Variants in SLAMF1 observed in about 807,000 individuals in gnomAD.
The protein encoded by SLAMF1 is signaling lymphocytic activation molecule family member 1.
SLAMF1 carries 18 observed loss-of-function variants against 35.1 expected under a neutral mutation model. The ratio of observed to expected loss-of-function variants is 0.51; its 90% CI spans 0.35 to 0.76. SLAMF1 has a LOEUF of 0.76. SLAMF1 is among the 30% of genes least tolerant of loss of function. The pLI is 0.01. For missense variants in SLAMF1, 392 were observed against 413.0 expected (o/e 0.95, Z 0.44); for synonymous variants, 168 against 157.2 (o/e 1.07, Z -0.51).
Position 160,619,936 on chromosome 1 carries a change from T to C in SLAMF1, c.791-87A>G, listed in dbSNP as rs1659516051. ...GACCTGGTCTTTACTGTCCTTTGCA[T>C]ACCCACTTTCCCCAAGGGCACAATG... On this transcript the variant is annotated intron_variant, in intron 4 of 6. Transcript: ENST00000302035. 6.9e-6 allele frequency: 6 copies of C among 865,988 alleles called. No homozygotes were observed. The Admixed American group carries it at 1.1e-4, about 16-fold the overall frequency. The allele number at this position is 865,988 out of a possible 1,614,324, so 53.6% of individuals were successfully genotyped here.
chr1:160,632,380 T>C (rs1324900095), intron 3 of SLAMF1, among the ~76,000 whole-genome samples: 1 of 152,168 alleles, frequency 6.6e-6, no homozygotes, highest in African/African-American at 2.4e-5. Context: ...GCCCTTCCTG[T>C]GGTGCCAGGT....
chr1:160,623,515 G>T (rs1204590459), intron 4 of SLAMF1: 15 of 398,634 alleles, frequency 3.8e-5, no homozygotes, highest in Middle Eastern at 6.2e-4. Context: ...TGGGAAGGCA[G>T]CCGGGGCATC....
At position 160,628,544 on chromosome 1, in the gene SLAMF1, T is replaced by G. The variant is rs573348667; in HGVS notation, c.701-4359A>C. Among the ~76,000 whole-genome samples the G allele has an allele frequency of 6.6e-4, 100 of 152,370 alleles. 1 individual carries two copies. In the South Asian group the frequency reaches 0.02, roughly 31 times the overall value. On this transcript the variant is annotated intron_variant, in intron 3 of 6. Coordinates refer to ENST00000302035, the MANE Select transcript of SLAMF1 (RefSeq NM_003037.5). The stretch of plus-strand genomic sequence containing the variant: ...TATTATATTTTTCTAGCTAGTAAGA[T>G]GTAGAAGTCCCACTTTGATTGCAAA...
intron 5 of SLAMF1, among the ~76,000 whole-genome samples, chr1:160,613,234 C>T (rs929586957): frequency 3.9e-5 from 6 of 152,182 alleles, no homozygotes; most frequent in Non-Finnish European, 7.3e-5. Flanking sequence ...TGACCTATCC[C>T]TTACTTAAAT....
intron 3 of SLAMF1, among the ~76,000 whole-genome samples, chr1:160,629,140 T>G (rs1558009213): frequency 2.0e-5 from 3 of 152,268 alleles, no homozygotes; most frequent in South Asian, 2.1e-4. Flanking sequence ...TCACATGCCA[T>G]TTGGGAAGAG....
At chr1:160,629,916 A>G (rs562784833) in intron 3 of SLAMF1, among the ~76,000 whole-genome samples, 1 of 152,296 alleles carries the variant, frequency 6.6e-6, no homozygotes, top group African/African-American at 2.4e-5. Context: ...GGAACATCTA[A>G]GTGACTCTGA....
rs751442558 is a variant in SLAMF1, at chr1:160,619,810, CT to C, written c.829del (p.Ser277AlafsTer54). 47 of 1,599,164 alleles carry C rather than the reference CT, an allele frequency of 2.9e-5. No homozygotes were observed. Among genetic ancestry groups the C allele is most frequent in the Non-Finnish European group, 3.6e-5 (42 of 1,167,382 alleles). Reference sequence around the variant, plus strand: ...CTGGACTTGGGCATAGATCGTAAGGCTTTTTTTTTCCACTGTTGTCTGGTAA... The same window carrying C: ...CTGGACTTGGGCATAGATCGTAAGGCTTTTTTTTCCACTGTTGTCTGGTAA... ...NHYQTTVEKK[S>X]LTIYAQVQKP... On this transcript the variant is annotated frameshift_variant, in exon 5 of 7. Coordinates refer to ENST00000302035, the MANE Select transcript of SLAMF1 (RefSeq NM_003037.5). LOFTEE classifies it high-confidence loss of function.
In SLAMF1 at chr1:160,634,423, C is replaced by T. The variant is rs892160780; in HGVS notation, c.700+190G>A. Reference sequence around the variant, plus strand: ...TTGGTTTCGTCAACTGTGAACTGAGCATAAAAATGCCACCCTGGTCAATAT... The same window carrying T: ...TTGGTTTCGTCAACTGTGAACTGAGTATAAAAATGCCACCCTGGTCAATAT... On this transcript the variant is annotated intron_variant, in intron 3 of 6. Transcript: ENST00000302035. 43 of 983,166 alleles carry T rather than the reference C, an allele frequency of 4.4e-5. 1 individual carries two copies. Among genetic ancestry groups the T allele is most frequent in the African/African-American group, 1.9e-4 (11 of 57,212 alleles). 60.9% of individuals were successfully genotyped at this position (983,166 alleles called of 1,614,324 possible).
intron 3 of SLAMF1, among the ~76,000 whole-genome samples, chr1:160,625,182 G>A (rs77074117): frequency 0.012 from 1,848 of 152,238 alleles, 33 homozygotes; most frequent in African/African-American, 0.042. Flanking sequence ...AAGTTATACC[G>A]GGGTAATGAA....
chr1:160,647,030 C>G lies in SLAMF1; in HGVS notation c.-85G>C. 1.4e-6 allele frequency: 1 copy of G among 724,164 alleles called. No individual in the cohort carries two copies. The highest frequency in any genetic ancestry group is 2.5e-4 in the Middle Eastern group (1 of 4,070). The allele number at this position is 724,164 out of a possible 1,614,324, so 44.9% of individuals were successfully genotyped here. The stretch of plus-strand genomic sequence containing the variant: ...AGGCAGAAGCAAGCTTCGTGTCATG[C>G]AGCAGAGGCTGTCTGATTTATGTAT... On this transcript the variant is annotated 5_prime_UTR_variant, in exon 1 of 7. Transcript: ENST00000302035.
chr1:160,640,501 T>C (rs982392040), intron 1 of SLAMF1, among the ~76,000 whole-genome samples: 8 of 151,900 alleles, frequency 5.3e-5, no homozygotes, highest in Non-Finnish European at 8.8e-5. Context: ...TAGATTGTTC[T>C]AGCTGATAAG....
chr1:160,636,302 T>G (rs11579060), intron 2 of SLAMF1, among the ~76,000 whole-genome samples: 18,732 of 152,194 alleles, frequency 0.12, 1,540 homozygotes, highest in African/African-American at 0.22. Flanking sequence ...AAGGGAATGC[T>G]GGGTTGAGGG....
At position 160,637,193 on chromosome 1, in the gene SLAMF1, T is replaced by C; in HGVS notation, c.413A>G (p.Tyr138Cys). Residue 138 changes from tyrosine (Y) to cysteine (C), a missense_variant and splice_region_variant, in exon 2 of 7, where the codon TAT (tyrosine) becomes TGT (cysteine). Tyr to Cys is a radical substitution (Grantham distance 194). Transcript: ENST00000302035. ...VQRFCLQLRL[Y>C]EQVSTPEIKV... ...ACTGGGGAAGCCGCCATTATTACCA[T>C]AAAGCCTCAACTGCAGGCAAAAGCG... 6.2e-7 allele frequency: 1 copy of C among 1,612,696 alleles called. No homozygotes were observed. Among genetic ancestry groups the C allele is most frequent in the Non-Finnish European group, 8.5e-7 (1 of 1,178,718 alleles).
In SLAMF1 at chr1:160,612,645, G is replaced by T. The variant is rs1475557493; in HGVS notation, c.865-65C>A. 3.1e-6 allele frequency: 3 copies of T among 965,630 alleles called. No homozygotes were observed. The Admixed American group carries it at 5.8e-5, about 19-fold the overall frequency. The allele number at this position is 965,630 out of a possible 1,614,324, so 59.8% of individuals were successfully genotyped here. ...AGAGCTAGTTCTCACCCAACTCTCC[G>T]ATAGAGAAGCACAGACTCAAGAAGA... On this transcript the variant is annotated intron_variant, in intron 5 of 6. Transcript: ENST00000302035.
At chr1:160,634,474 G>A in intron 3 of SLAMF1, 139 bp downstream of exon 3, 3 of 1,403,206 alleles carry the variant, frequency 2.1e-6, no homozygotes, top group Non-Finnish European at 9.5e-7. Context: ...AAATGCACAT[G>A]GTAAACTTTT....
At chr1:160,637,167 GACT>G in intron 2 of SLAMF1, 21 bp downstream of exon 2, 1 of 1,571,956 alleles carries the variant, frequency 6.4e-7, no homozygotes, top group South Asian at 1.1e-5. Context: ...CTTTAGTGTG[GACT>G]GGGGAAGCCG....
chr1:160,623,248 C>T (rs1465277606), intron 4 of SLAMF1, among the ~76,000 whole-genome samples: 1 of 152,160 alleles, frequency 6.6e-6, no homozygotes, highest in Non-Finnish European at 1.5e-5. Flanking sequence ...TTGCCCTACC[C>T]CGAGCCCCAT....
chr1:160,617,592 A>C (rs935781037), intron 5 of SLAMF1, among the ~76,000 whole-genome samples: 5 of 152,256 alleles, frequency 3.3e-5, no homozygotes, highest in Admixed American at 6.5e-5. Context: ...AGAATAAAGA[A>C]TTCAATTTTT....
chr1:160,625,702 A>C (rs995179262), intron 3 of SLAMF1, among the ~76,000 whole-genome samples: 1 of 152,102 alleles, frequency 6.6e-6, no homozygotes, highest in Admixed American at 6.5e-5. Flanking sequence ...AAAAAAAGTT[A>C]GGAGGCAGGC....
Sources: gnomAD v4.1 joint callset for allele counts (sites outside exome capture counted in the v4.1 genomes callset) on GRCh38, gnomAD v4.1.1 for gene constraint, MANE v1.5 for transcripts, NCBI Gene and HGNC (gene_info 2026-07-23, HGNC 2026-07-21) for gene names.